Variants in CEP126 observed in about 807,000 individuals in gnomAD.
CEP126 encodes centrosomal protein 126.
CEP126 carries 74 observed loss-of-function variants against 107.8 expected under a neutral mutation model. That is an observed-to-expected ratio of 0.69 (90% confidence interval 0.57 to 0.83). The LOEUF is 0.83. Among genes scored for constraint, CEP126 ranks in the 40% least tolerant of loss-of-function variants. The pLI is 0.00. For missense variants in CEP126, 1,237 were observed against 1,281.9 expected (o/e 0.96, Z 0.53); for synonymous variants, 449 against 446.0 (o/e 1.01, Z -0.08).
At chr11:101,946,084 T>C (rs918563984) in intron 3 of CEP126, among the ~76,000 whole-genome samples, 2 of 152,000 alleles carry the variant, frequency 1.3e-5, no homozygotes, top group Non-Finnish European at 2.9e-5. Flanking sequence ...GCTCCTAAAT[T>C]AAAGCAGTGC....
chr11:101,971,865 T>G (rs775885989), intron 6 of CEP126, among the ~76,000 whole-genome samples: 13 of 152,156 alleles, frequency 8.5e-5, no homozygotes, highest in Non-Finnish European at 1.5e-4. Context: ...TTCCAGCACT[T>G]TGGGATGCCA....
chr11:101,924,475 TG>T (rs1381348142), intron 2 of CEP126, among the ~76,000 whole-genome samples: 1 of 152,106 alleles, frequency 6.6e-6, no homozygotes, highest in Non-Finnish European at 1.5e-5. Context: ...TGTTTTGTTT[TG>T]TTTTTTTGAG....
intron 10 of CEP126, among the ~76,000 whole-genome samples, chr11:101,997,271 C>T (rs1302987126): frequency 6.6e-6 from 1 of 152,158 alleles, no homozygotes; most frequent in African/African-American, 2.4e-5. Context: ...CTCCCGACTT[C>T]GTGATCCGCC....
chr11:101,985,988 A>ATTTTTTTTTT (rs773628925), intron 8 of CEP126, among the ~76,000 whole-genome samples: 2 of 126,456 alleles, frequency 1.6e-5, no homozygotes, highest in African/African-American at 3.0e-5. Flanking sequence ...CTCTGAATTG[A>ATTTTTTTTTT]TTTCTTTTTT....
In CEP126 at chr11:101,963,548, T is replaced by C; in HGVS notation, c.2513T>C (p.Phe838Ser). 6.2e-7 allele frequency: 1 copy of C among 1,614,152 alleles called. No individual in the cohort carries two copies. Among genetic ancestry groups the C allele is most frequent in the South Asian group, 1.1e-5 (1 of 91,070 alleles). ...NPQNIITHNSFNSKHVLPTEH... is the reference protein window; with the variant it reads ...NPQNIITHNSSNSKHVLPTEH... Reference sequence around the variant, plus strand: ...CAAAACATTATTACACATAACTCTTTTAATTCAAAACATGTGCTTCCAACA... The same window carrying C: ...CAAAACATTATTACACATAACTCTTCTAATTCAAAACATGTGCTTCCAACA... The change falls in exon 6 of 11, where the codon TTT (phenylalanine) becomes TCT (serine). Residue 838 changes from phenylalanine (F) to serine (S), a missense_variant. Around this residue, in one of 3 missense-constraint regions of CEP126, gnomAD observed 1,134 missense variants for 1,150.5 expected, o/e 0.99. Transcript: ENST00000263468.
chr11:101,950,229 T>G (rs1383463484), intron 4 of CEP126, among the ~76,000 whole-genome samples: 1 of 152,010 alleles, frequency 6.6e-6, no homozygotes, highest in Non-Finnish European at 1.5e-5. Context: ...TGCAATGAGT[T>G]GAAGAGAAAT....
At chr11:101,948,267 T>A (rs1018127303) in intron 4 of CEP126, 125 bp downstream of exon 4, 1 of 502,612 alleles carries the variant, frequency 2.0e-6, no homozygotes, top group Non-Finnish European at 3.4e-6. Flanking sequence ...CTTTTATTTT[T>A]ACAGATTAAA....
At chr11:101,995,981 ATT>A (rs1941436908) in intron 10 of CEP126, among the ~76,000 whole-genome samples, 1 of 152,230 alleles carries the variant, frequency 6.6e-6, no homozygotes, top group Non-Finnish European at 1.5e-5. Context: ...TCAGTTAGAA[ATT>A]TTGGCCACAA....
chr11:101,928,202 A>T (rs1324252877), intron 2 of CEP126, among the ~76,000 whole-genome samples: 1 of 151,946 alleles, frequency 6.6e-6, no homozygotes, highest in East Asian at 1.9e-4. Context: ...TTCATTTTTA[A>T]TTGGACTGTT....
At chr11:101,935,383 C>G (rs189450420) in intron 2 of CEP126, among the ~76,000 whole-genome samples, 4 of 152,044 alleles carry the variant, frequency 2.6e-5, no homozygotes, top group Admixed American at 2.6e-4. Context: ...ATTGTTTGTT[C>G]TATGGTTAGT....
chr11:101,989,352 G>A (rs116357496), intron 9 of CEP126, among the ~76,000 whole-genome samples: 1,876 of 152,056 alleles, frequency 0.012, 35 homozygotes, highest in African/African-American at 0.042. Flanking sequence ...CTAGTGCATC[G>A]TAACATGTTT....
chr11:101,933,035 T>A (rs894247391), intron 2 of CEP126, among the ~76,000 whole-genome samples: 32 of 152,196 alleles, frequency 2.1e-4, no homozygotes, highest in African/African-American at 7.2e-4. Flanking sequence ...TACAAAGCAT[T>A]GTGTTAGGAA....
At chr11:101,916,112 C>T (rs1020423527) in intron 1 of CEP126, 1 of 152,204 alleles carries the variant, frequency 6.6e-6, no homozygotes, top group Non-Finnish European at 1.5e-5. Flanking sequence ...CCTTTAGAGA[C>T]TGTTGTGATG....
chr11:101,940,797 G>T (rs991133292), intron 2 of CEP126, among the ~76,000 whole-genome samples: 5 of 152,152 alleles, frequency 3.3e-5, no homozygotes, highest in African/African-American at 1.2e-4. Context: ...CTTAGATGGG[G>T]TCTGGCTTTT....
chr11:101,959,740 A>T (rs1461550665), intron 5 of CEP126, among the ~76,000 whole-genome samples: 1 of 152,232 alleles, frequency 6.6e-6, no homozygotes, highest in Non-Finnish European at 1.5e-5. Flanking sequence ...TCTGAAAAAC[A>T]TACTATCAGA....
chr11:101,972,321 G>C (rs1591289516), intron 6 of CEP126, among the ~76,000 whole-genome samples: 1 of 151,994 alleles, frequency 6.6e-6, no homozygotes, highest in Admixed American at 6.6e-5. Context: ...AGCTACTCGA[G>C]AGGTTGAGGC....
intron 1 of CEP126, among the ~76,000 whole-genome samples, chr11:101,917,028 ATGTGTGTGTGTGTGTGTGTGTGTGTGTG>A (rs57573389): frequency 1.8e-4 from 25 of 136,052 alleles, no homozygotes; most frequent in Admixed American, 9.5e-4. Context: ...AAATCCAACA[ATGTGTGTGTGTGTGTGTGTGTGTGTGTG>A]TGTGTGTGTG....
At chr11:101,933,548 C>G (rs1940531644) in intron 2 of CEP126, among the ~76,000 whole-genome samples, 2 of 152,054 alleles carry the variant, frequency 1.3e-5, no homozygotes, top group Admixed American at 1.3e-4. Flanking sequence ...TGGGATAAAA[C>G]AAGGTAATAC....
intron 1 of CEP126, among the ~76,000 whole-genome samples, chr11:101,922,065 G>A (rs528894164): frequency 7.9e-5 from 12 of 151,718 alleles, no homozygotes; most frequent in Non-Finnish European, 1.3e-4. Context: ...GATTACAGGT[G>A]TGAGCCACCG....
Sources: gnomAD v4.1 joint callset for allele counts (sites outside exome capture counted in the v4.1 genomes callset) on GRCh38, gnomAD v4.1.1 for gene constraint, gnomAD v4.1.1 regional missense constraint, MANE v1.5 for transcripts, NCBI Gene and HGNC (gene_info 2026-07-23, HGNC 2026-07-21) for gene names.